The following SLC36A1 variants were observed in gnomAD, a reference collection of about 807,000 sequenced individuals.
SLC36A1 encodes the protein solute carrier family 36 member 1, also known as proton-coupled amino acid transporter 1.
SLC36A1 carries 30 observed loss-of-function variants against 47.5 expected under a neutral mutation model. The observed-to-expected ratio is 0.63, with a 90% confidence interval of 0.47 to 0.86. The LOEUF (loss-of-function observed/expected upper bound fraction) is 0.86. SLC36A1 is among the 40% of genes least tolerant of loss of function. The probability of loss-of-function intolerance (pLI) is 0.00; values close to 1 mark genes in which losing one functional copy is unlikely to be tolerated. For synonymous variants in SLC36A1, 255 were observed against 249.7 expected (o/e 1.02, Z -0.20); for missense variants, 517 against 606.0 (o/e 0.85, Z 1.54).
At chr5:151,458,283 T>A (rs1754899961) in intron 1 of SLC36A1, among the ~76,000 whole-genome samples, 1 of 146,366 alleles carries the variant, frequency 6.8e-6, no homozygotes, top group Non-Finnish European at 1.5e-5. Context: ...TGTGTATACG[T>A]GTATATATAT....
chr5:151,471,935 G>A (rs1350683145), intron 7 of SLC36A1, among the ~76,000 whole-genome samples: 1 of 152,178 alleles, frequency 6.6e-6, no homozygotes, highest in East Asian at 1.9e-4. Context: ...ACATACACAT[G>A]TGGTTTAGAA....
the SLC36A1 span, among the ~76,000 whole-genome samples, chr5:151,353,286 G>C: frequency 2.6e-5 from 4 of 152,148 alleles, no homozygotes; most frequent in African/African-American, 9.7e-5. Flanking sequence ...GCCCAGAGAG[G>C]AGAAGTGAGC....
In SLC36A1 at chr5:151,487,168, T is replaced by C. The variant is rs1226304507; in HGVS notation, c.1160-815T>C. ...GAAACACTGGCCTTTGCCCACCTGGTGGAAAGATCGGTGAGATGGGAAGCG... is the reference window on the plus strand; with the variant it reads ...GAAACACTGGCCTTTGCCCACCTGGCGGAAAGATCGGTGAGATGGGAAGCG... On this transcript the variant is annotated intron_variant, in intron 10 of 10. Coordinates refer to ENST00000243389, the MANE Select transcript of SLC36A1 (RefSeq NM_078483.4). Among the ~76,000 whole-genome samples the C allele has an allele frequency of 3.3e-5, 5 of 152,296 alleles. No homozygotes were observed. The East Asian group carries it at 9.6e-4, about 29-fold the overall frequency.
chr5:151,549,486 G>C, the SLC36A1 span: 2 of 1,614,022 alleles, frequency 1.2e-6, no homozygotes, highest in East Asian at 2.2e-5. Flanking sequence ...CCTCTTGATA[G>C]GTATTTCCTG....
chr5:151,428,494 T>A, the SLC36A1 span, among the ~76,000 whole-genome samples: 1 of 138,240 alleles, frequency 7.2e-6, no homozygotes, highest in Non-Finnish European at 1.5e-5. Context: ...AGTGGCTCTC[T>A]CAGATGCATT....
chr5:151,468,331 A>C, intron 7 of SLC36A1, among the ~76,000 whole-genome samples: 1 of 103,976 alleles, frequency 9.6e-6, no homozygotes, highest in African/African-American at 3.7e-5. Flanking sequence ...TGTATATGTT[A>C]TTATATTTTA....
the SLC36A1 span, chr5:151,554,490 C>T: frequency 3.7e-6 from 6 of 1,614,234 alleles, no homozygotes; most frequent in Non-Finnish European, 5.1e-6. Flanking sequence ...TTAAGACCCT[C>T]ATCCAGGTCT....
At chr5:151,542,610 G>T in the SLC36A1 span, 92 of 1,614,084 alleles carry the variant, frequency 5.7e-5, no homozygotes, top group Admixed American at 1.2e-4. Flanking sequence ...TGCTACCAGG[G>T]TCTGCAGACA....
At chr5:151,353,234 G>A in the SLC36A1 span, among the ~76,000 whole-genome samples, 1 of 152,152 alleles carries the variant, frequency 6.6e-6, no homozygotes, top group African/African-American at 2.4e-5. Flanking sequence ...TACTTAGTTA[G>A]AGGCATAACA....
At chr5:151,546,337 C>A in the SLC36A1 span, 1 of 1,608,126 alleles carries the variant, frequency 6.2e-7, no homozygotes, top group African/African-American at 1.3e-5. Flanking sequence ...TTCGCTGTTC[C>A]CTGAAACAGA....
chr5:151,393,960 G>A, the SLC36A1 span, among the ~76,000 whole-genome samples: 4 of 117,254 alleles, frequency 3.4e-5, no homozygotes, highest in Admixed American at 7.4e-5. Flanking sequence ...GCCTTGCTAG[G>A]TTGGGGAAGT....
At chr5:151,522,201 G>T in the SLC36A1 span, 1 of 782,450 alleles carries the variant, frequency 1.3e-6, no homozygotes. Flanking sequence ...CAACTTGAGG[G>T]CTGGCTCAGC....
chr5:151,537,323 A>AAG, the SLC36A1 span, among the ~76,000 whole-genome samples: 1 of 22,728 alleles, frequency 4.4e-5, no homozygotes, highest in Admixed American at 7.6e-4. Context: ...AAGAAAGAGA[A>AAG]AAAAAGAAAG....
At chr5:151,419,523 G>C in the SLC36A1 span, among the ~76,000 whole-genome samples, 2 of 152,224 alleles carry the variant, frequency 1.3e-5, no homozygotes, top group African/African-American at 4.8e-5. Context: ...TTTGCCCCCA[G>C]AAGCTGCCTT....
the SLC36A1 span, among the ~76,000 whole-genome samples, chr5:151,421,576 C>T: frequency 6.9e-6 from 1 of 145,892 alleles, no homozygotes; most frequent in Non-Finnish European, 1.5e-5. Context: ...CTTTTTCTTT[C>T]TTTCTTTTTT....
chr5:151,463,874 C>A (rs2127485299), intron 3 of SLC36A1, among the ~76,000 whole-genome samples: 1 of 152,298 alleles, frequency 6.6e-6, no homozygotes. Flanking sequence ...ATTAAATATT[C>A]CTGCCCTCAT....
At chr5:151,349,308 G>A in the SLC36A1 span, among the ~76,000 whole-genome samples, 2 of 151,950 alleles carry the variant, frequency 1.3e-5, no homozygotes, top group African/African-American at 2.4e-5. Context: ...CCCAGGCATC[G>A]TCAGTGAAAA....
the SLC36A1 span, chr5:151,540,556 C>T: frequency 6.2e-7 from 1 of 1,602,484 alleles, no homozygotes; most frequent in Non-Finnish European, 8.5e-7. Context: ...CACCCCTCGC[C>T]AGGCTCTCAC....
chr5:151,543,996 TG>T, the SLC36A1 span: 1 of 1,614,080 alleles, frequency 6.2e-7, no homozygotes, highest in Non-Finnish European at 8.5e-7. Context: ...GTCTGAACTC[TG>T]GGGGGTTGTC....
Sources: allele counts gnomAD v4.1 joint callset (sites outside exome capture counted in the v4.1 genomes callset), GRCh38; gene constraint gnomAD v4.1.1; transcripts MANE v1.5; gene names NCBI Gene and HGNC (gene_info 2026-07-23, HGNC 2026-07-21).